Variants in ZFPM2 observed in about 807,000 individuals in gnomAD.
ZFPM2 encodes zinc finger protein, FOG family member 2, also known as zinc finger protein ZFPM2.
In ZFPM2, 20 loss-of-function variants were observed where a neutral mutation model predicts 98.6. The ratio of observed to expected loss-of-function variants is 0.20; its 90% confidence interval spans 0.14 to 0.29. ZFPM2 has a LOEUF of 0.29. ZFPM2 is among the 10% of genes least tolerant of loss of function. ZFPM2 has a pLI of 1.00. For synonymous variants in ZFPM2, 518 were observed against 502.7 expected (o/e 1.03, Z -0.41); for missense variants, 1,310 against 1,388.6 (o/e 0.94, Z 0.90).
At chr8:105,663,728 G>A (rs147234128) in intron 5 of ZFPM2, among the ~76,000 whole-genome samples, 164 of 152,302 alleles carry the variant, frequency 1.1e-3, no homozygotes, top group African/African-American at 3.8e-3. Flanking sequence ...GAGAGATAAA[G>A]TAACTTTGCC....
chr8:105,431,810 C>T (rs1334761958), intron 2 of ZFPM2, among the ~76,000 whole-genome samples: 1 of 151,408 alleles, frequency 6.6e-6, no homozygotes, highest in African/African-American at 2.4e-5. Flanking sequence ...GCCCCAGCTA[C>T]TTGGGAGGCT....
intron 1 of ZFPM2, among the ~76,000 whole-genome samples, chr8:105,360,245 C>A (rs371986835): frequency 1.3e-5 from 2 of 152,080 alleles, no homozygotes; most frequent in Non-Finnish European, 2.9e-5. Context: ...ATATGGAGTT[C>A]ATTATTAGTT....
chr8:105,797,174 A>C (rs1245140617), intron 6 of ZFPM2: 1 of 152,176 alleles, frequency 6.6e-6, no homozygotes, highest in Non-Finnish European at 1.5e-5. Flanking sequence ...TCCCATTTCA[A>C]CCACTGATGC....
chr8:105,521,599 T>C (rs1385306209), intron 3 of ZFPM2, among the ~76,000 whole-genome samples: 2 of 151,946 alleles, frequency 1.3e-5, no homozygotes, highest in Non-Finnish European at 2.9e-5. Flanking sequence ...TTTTTTGAGA[T>C]GGAGTTTCAC....
At position 105,651,707 on chromosome 8, in the gene ZFPM2, A is replaced by G. The variant is rs757141316; in HGVS notation, c.532+17350A>G. Among the ~76,000 whole-genome samples the G allele has an allele frequency of 4.0e-5, 6 of 150,898 alleles. No individual in the cohort carries two copies. The South Asian group carries it at 6.2e-4, about 16-fold the overall frequency. ...TGAACACCTCAAAGGCAACAATTCA[A>G]TTTTTCACCTCTGTAACTCCACAGC... On this transcript the variant is annotated intron_variant, in intron 5 of 7. Coordinates refer to ENST00000407775, the MANE Select transcript of ZFPM2 (RefSeq NM_012082.4).
At chr8:105,570,011 CT>C (rs1815321542) in intron 4 of ZFPM2, among the ~76,000 whole-genome samples, 1 of 152,276 alleles carries the variant, frequency 6.6e-6, no homozygotes, top group South Asian at 2.1e-4. Context: ...CACAGACGCC[CT>C]TAGGTTCTAG....
At chr8:105,531,180 G>A (rs148928882) in intron 3 of ZFPM2, among the ~76,000 whole-genome samples, 152 of 152,236 alleles carry the variant, frequency 1.0e-3, no homozygotes, top group African/African-American at 3.2e-3. Context: ...CACTTTATAT[G>A]TGCTTAATTG....
chr8:105,510,010 CAGAT>C (rs1001457618), intron 3 of ZFPM2, among the ~76,000 whole-genome samples: 7 of 150,266 alleles, frequency 4.7e-5, no homozygotes, highest in African/African-American at 1.8e-4. Flanking sequence ...ATCTACACAT[CAGAT>C]ATATATATAT....
intron 1 of ZFPM2, among the ~76,000 whole-genome samples, chr8:105,397,389 A>T (rs1811244165): frequency 6.6e-6 from 1 of 152,222 alleles, no homozygotes; most frequent in Non-Finnish European, 1.5e-5. Flanking sequence ...ATTAAAAAAA[A>T]TAAATTTTAT....
chr8:105,772,990 G>A (rs1441374066), intron 5 of ZFPM2, among the ~76,000 whole-genome samples: 1 of 152,262 alleles, frequency 6.6e-6, no homozygotes, highest in East Asian at 1.9e-4. Context: ...AAATTACGAC[G>A]AAGTTGTTTA....
intron 1 of ZFPM2, among the ~76,000 whole-genome samples, chr8:105,345,144 A>G (rs554563547): frequency 6.6e-6 from 1 of 152,272 alleles, no homozygotes; most frequent in African/African-American, 2.4e-5. Flanking sequence ...AACTGCCTTG[A>G]CATCATAAGT....
intron 3 of ZFPM2, among the ~76,000 whole-genome samples, chr8:105,449,748 G>A (rs1161485421): frequency 6.6e-6 from 1 of 151,966 alleles, no homozygotes; most frequent in Non-Finnish European, 1.5e-5. Context: ...TTGTAAAATA[G>A]GGCTAATAAT....
chr8:105,432,444 A>G (rs183640605), intron 2 of ZFPM2, among the ~76,000 whole-genome samples: 1 of 152,308 alleles, frequency 6.6e-6, no homozygotes, highest in East Asian at 1.9e-4. Context: ...AGCATTTTGA[A>G]TGTGTAGCTT....
intron 1 of ZFPM2, among the ~76,000 whole-genome samples, chr8:105,400,835 C>T (rs1811325540): frequency 6.6e-6 from 1 of 151,986 alleles, no homozygotes; most frequent in Non-Finnish European, 1.5e-5. Context: ...ATCTCATTAG[C>T]CCTATTTCCA....
At chr8:105,738,382 T>C (rs1008879295) in intron 5 of ZFPM2, among the ~76,000 whole-genome samples, 1 of 150,826 alleles carries the variant, frequency 6.6e-6, no homozygotes, top group Middle Eastern at 3.2e-3. Flanking sequence ...TAGTATTCTG[T>C]GGTGTCTATG....
chr8:105,559,327 G>A (rs1208033049), intron 3 of ZFPM2, among the ~76,000 whole-genome samples: 1 of 151,974 alleles, frequency 6.6e-6, no homozygotes, highest in Non-Finnish European at 1.5e-5. Flanking sequence ...TCAGACATTC[G>A]GACTTATTGA....
At chr8:105,786,159 A>C (rs2131128348) in intron 5 of ZFPM2, among the ~76,000 whole-genome samples, 1 of 150,872 alleles carries the variant, frequency 6.6e-6, no homozygotes, top group Admixed American at 6.6e-5. Flanking sequence ...CTCCTCATTT[A>C]TAGGGCAATA....
At chr8:105,441,455 A>AGAGAGAGAGAAAGGAAGG (rs1554604944) in intron 2 of ZFPM2, among the ~76,000 whole-genome samples, 1 of 56,532 alleles carries the variant, frequency 1.8e-5, no homozygotes, top group African/African-American at 9.9e-5. Context: ...AGAGAGAGAG[A>AGAGAGAGAGAAAGGAAGG]AAGAAAGAAA....
chr8:105,711,958 A>G (rs1432458068), intron 5 of ZFPM2, among the ~76,000 whole-genome samples: 1 of 152,022 alleles, frequency 6.6e-6, no homozygotes, highest in East Asian at 1.9e-4. Flanking sequence ...AACCCACCTG[A>G]AACTTGATTT....
Sources: allele counts gnomAD v4.1 joint callset (sites outside exome capture counted in the v4.1 genomes callset), GRCh38; gene constraint gnomAD v4.1.1; transcripts MANE v1.5; gene names NCBI Gene and HGNC (gene_info 2026-07-23, HGNC 2026-07-21).